Variants in CCDC102B observed in about 807,000 individuals in gnomAD.
CCDC102B encodes the protein coiled-coil domain-containing protein 102B.
In CCDC102B, 75 loss-of-function variants were observed where a neutral mutation model predicts 57.4. The ratio of observed to expected loss-of-function variants is 1.31; its 90% CI spans 1.08 to 1.58. The LOEUF (loss-of-function observed/expected upper bound fraction) is 1.58. Among genes scored for constraint, CCDC102B ranks in the 40% most tolerant of loss-of-function variants. The pLI is 0.00. For missense variants in CCDC102B, 636 were observed against 582.6 expected, an observed-to-expected ratio of 1.09 and a Z score of -0.94; for synonymous variants, 206 against 201.9, an observed-to-expected ratio of 1.02 and a Z score of -0.17.
At chr18:68,793,195 G>T (rs2035519520), upstream of CCDC102B, among the ~76,000 whole-genome samples, 1 of 152,058 alleles carries the variant, frequency 6.6e-6, no homozygotes, top group Admixed American at 6.6e-5. Context: ...ACCAAAATTG[G>T]CTTCCTTACA....
At chr18:68,877,417 A>G (rs1599618824) in intron 5 of CCDC102B, among the ~76,000 whole-genome samples, 1 of 152,324 alleles carries the variant, frequency 6.6e-6, no homozygotes, top group Middle Eastern at 3.4e-3. Flanking sequence ...TCCAGCTCTT[A>G]TCTTCCTTAG....
intron 6 of CCDC102B, among the ~76,000 whole-genome samples, chr18:68,917,257 A>G (rs17079877): frequency 0.3 from 44,898 of 151,840 alleles, 7,742 homozygotes; most frequent in East Asian, 0.68. Context: ...TGGAAGGTCA[A>G]TGAGGTTCTG....
chr18:68,866,882 T>C, intron 4 of CCDC102B: 5 of 651,774 alleles, frequency 7.7e-6, no homozygotes, highest in South Asian at 2.8e-5. Context: ...GGCACTCCTC[T>C]TCCCTCTCAT....
intron 2 of CCDC102B, among the ~76,000 whole-genome samples, chr18:68,747,231 T>C (rs977248648): frequency 7.2e-5 from 11 of 152,050 alleles, no homozygotes; most frequent in African/African-American, 2.7e-4. Flanking sequence ...CTGTTCTCTT[T>C]CTCTGCTCCC....
intron 6 of CCDC102B, among the ~76,000 whole-genome samples, chr18:68,970,227 T>G (rs541514050): frequency 3.9e-5 from 6 of 152,172 alleles, no homozygotes; most frequent in African/African-American, 1.2e-4. Context: ...CACTTCTTTA[T>G]CTTTCAATTT....
intron 7 of CCDC102B, among the ~76,000 whole-genome samples, chr18:69,016,467 T>C (rs980233655): frequency 6.6e-6 from 1 of 152,162 alleles, no homozygotes; most frequent in Non-Finnish European, 1.5e-5. Context: ...AAGAATTTTA[T>C]ACATTTTATT....
intron 2 of CCDC102B, among the ~76,000 whole-genome samples, chr18:68,744,721 T>C (rs1045172820): frequency 1.3e-5 from 2 of 152,138 alleles, no homozygotes; most frequent in African/African-American, 4.8e-5. Context: ...CCCCCAGCTG[T>C]TAAATTGCTC....
At chr18:68,748,212 G>A (rs1611852) in intron 2 of CCDC102B, among the ~76,000 whole-genome samples, 6,957 of 47,622 alleles carry the variant, frequency 0.15, 254 homozygotes, top group African/African-American at 0.22. Flanking sequence ...ACTGGTGTGT[G>A]TGTGTGTGTG....
intron 6 of CCDC102B, among the ~76,000 whole-genome samples, chr18:68,956,754 C>T (rs375726946): frequency 8.0e-5 from 12 of 149,444 alleles, no homozygotes; most frequent in African/African-American, 3.0e-4. Context: ...CAACAATGTA[C>T]AAGGGTTCCC....
chr18:68,772,172 C>T (rs753971260), intron 2 of CCDC102B, among the ~76,000 whole-genome samples: 2 of 152,030 alleles, frequency 1.3e-5, no homozygotes, highest in Non-Finnish European at 2.9e-5. Flanking sequence ...ACACCTTGAA[C>T]TGTCAATCAA....
At chr18:68,791,281 C>T (rs776122056) in intron 2 of CCDC102B, among the ~76,000 whole-genome samples, 2 of 152,112 alleles carry the variant, frequency 1.3e-5, no homozygotes, top group Non-Finnish European at 2.9e-5. Context: ...ACACTCTTTC[C>T]TTAGTGAGGT....
chr18:68,867,443 T>C (rs749561822), intron 4 of CCDC102B, among the ~76,000 whole-genome samples: 1 of 152,170 alleles, frequency 6.6e-6, no homozygotes, highest in Non-Finnish European at 1.5e-5. Flanking sequence ...CCTGAGACAG[T>C]GGAAACTGCC....
At chr18:68,959,706 C>T (rs1208371062) in intron 6 of CCDC102B, among the ~76,000 whole-genome samples, 2 of 151,934 alleles carry the variant, frequency 1.3e-5, no homozygotes, top group African/African-American at 2.4e-5. Flanking sequence ...CAAGCCATAA[C>T]ACAAAGTCTC....
chr18:68,722,067 G>A (rs1169501237), intron 2 of CCDC102B, among the ~76,000 whole-genome samples: 1 of 152,152 alleles, frequency 6.6e-6, no homozygotes, highest in Admixed American at 6.5e-5. Context: ...TTTTGTACAG[G>A]GTTACAAGCC....
At chr18:68,894,340 A>T (rs914031371) in intron 5 of CCDC102B, among the ~76,000 whole-genome samples, 1 of 152,084 alleles carries the variant, frequency 6.6e-6, no homozygotes, top group Non-Finnish European at 1.5e-5. Context: ...TTTTACATTA[A>T]AATTTTCAGA....
At chr18:68,822,638 T>C (rs2036739050) in intron 1 of CCDC102B, among the ~76,000 whole-genome samples, 1 of 152,132 alleles carries the variant, frequency 6.6e-6, no homozygotes, top group Non-Finnish European at 1.5e-5. Context: ...ACTCCCCTCC[T>C]CCCAGTATTC....
At chr18:68,898,937 G>A (rs1377896004) in intron 6 of CCDC102B, among the ~76,000 whole-genome samples, 5 of 152,002 alleles carry the variant, frequency 3.3e-5, no homozygotes, top group Non-Finnish European at 5.9e-5. Context: ...TGGCATTGGC[G>A]TAACCTGTCA....
chr18:68,756,761 G>A (rs1377168776), intron 2 of CCDC102B, among the ~76,000 whole-genome samples: 2 of 152,114 alleles, frequency 1.3e-5, no homozygotes, highest in African/African-American at 2.4e-5. Context: ...AAGTCAATTC[G>A]ATAATAAAAG....
At chr18:69,049,428 C>A (rs1026377641) in intron 7 of CCDC102B, among the ~76,000 whole-genome samples, 1 of 151,724 alleles carries the variant, frequency 6.6e-6, no homozygotes, top group Non-Finnish European at 1.5e-5. Flanking sequence ...TTGGTTTATT[C>A]TCTAGTGCTA....
Sources: allele counts gnomAD v4.1 joint callset (sites outside exome capture counted in the v4.1 genomes callset), GRCh38; gene constraint gnomAD v4.1.1; transcripts MANE v1.5; gene names NCBI Gene and HGNC (gene_info 2026-07-23, HGNC 2026-07-21).